The following CAPN7 variants were observed in gnomAD, a reference collection of about 807,000 sequenced individuals.
CAPN7 encodes the protein calpain-7.
In CAPN7, 72 loss-of-function variants were observed where a neutral mutation model predicts 115.2. That is an observed-to-expected ratio of 0.63 (90% CI 0.52 to 0.76). The LOEUF is 0.76. CAPN7 is among the 30% of genes least tolerant of loss of function. CAPN7 has a pLI of 0.00. For missense variants in CAPN7, 905 were observed against 971.5 expected (o/e 0.93, Z 0.91); for synonymous variants, 344 against 322.3 (o/e 1.07, Z -0.72).
chr3:15,211,475 G>A (rs1320111117), intron 1 of CAPN7, among the ~76,000 whole-genome samples: 1 of 152,130 alleles, frequency 6.6e-6, no homozygotes, highest in East Asian at 1.9e-4. Flanking sequence ...AGCCTGGATA[G>A]CTCCTTCGGT....
chr3:15,240,967 G>C, intron 14 of CAPN7, 114 bp downstream of exon 14: 1 of 633,518 alleles, frequency 1.6e-6, no homozygotes, highest in Admixed American at 2.9e-5. Flanking sequence ...CACTTTGGGA[G>C]GCCGAGGTGG....
At chr3:15,216,321 G>A (rs1257650067) in intron 2 of CAPN7, among the ~76,000 whole-genome samples, 1 of 152,128 alleles carries the variant, frequency 6.6e-6, no homozygotes, top group Non-Finnish European at 1.5e-5. Flanking sequence ...TCTGATTTTA[G>A]CCATCCTAGT....
chr3:15,227,054 G>A (rs1053676262), intron 6 of CAPN7, among the ~76,000 whole-genome samples: 3 of 150,582 alleles, frequency 2.0e-5, no homozygotes, highest in Non-Finnish European at 2.9e-5. Flanking sequence ...CTGGAGGATC[G>A]TTTAAGCACA....
Position 15,221,109 on chromosome 3 carries a change from TATATC to T in CAPN7, c.638+131_638+135del, listed in dbSNP as rs1693954447. The T allele has an allele frequency of 6.1e-6, 4 of 654,740 alleles. No homozygotes were observed. The Admixed American group carries it at 1.1e-4, about 19-fold the overall frequency. The allele number at this position is 654,740 out of a possible 1,614,324, so 40.6% of individuals were successfully genotyped here. ...GTGTATTGTGCTGTTATTATGTAAT[TATATC>T]ATCATGTAGTCACAACTTGAAATAG... On this transcript the variant is annotated intron_variant, in intron 5 of 20. Coordinates refer to ENST00000253693, the MANE Select transcript of CAPN7 (RefSeq NM_014296.3).
chr3:15,249,932 T>G (rs1369833401), intron 19 of CAPN7, among the ~76,000 whole-genome samples: 1 of 151,752 alleles, frequency 6.6e-6, no homozygotes, highest in African/African-American at 2.4e-5. Context: ...GCGCAGCTAA[T>G]TTTTGTATTT....
intron 18 of CAPN7, among the ~76,000 whole-genome samples, chr3:15,247,011 T>C (rs908163455): frequency 1.8e-4 from 27 of 152,188 alleles, no homozygotes; most frequent in African/African-American, 4.6e-4. Flanking sequence ...AAACTTTGGT[T>C]GTTAGAGAAG....
intron 1 of CAPN7, among the ~76,000 whole-genome samples, chr3:15,206,990 A>G (rs2044665573): frequency 6.6e-6 from 1 of 152,228 alleles, no homozygotes; most frequent in South Asian, 2.1e-4. Context: ...AATAAACTTA[A>G]AAAGAATAAA....
In CAPN7 at chr3:15,252,539, GA is replaced by G. The variant is rs1696047308; in HGVS notation, c.*1285del. 1 of 152,058 alleles carries G rather than the reference GA, an allele frequency of 6.6e-6. No homozygotes were observed. The highest frequency in any genetic ancestry group is 1.5e-5 in the Non-Finnish European group (1 of 67,974). 9.4% of individuals were successfully genotyped at this position (152,058 alleles called of 1,614,324 possible). A position where few individuals can be genotyped will look rare whatever the true frequency, so the allele number is the denominator to read the frequency against. Reference sequence around the variant, plus strand: ...CAAGTTTTCTGTTACTTTTTAAAAAGAAAAAATCCAGAACATAAGAACTATA... The same window carrying G: ...CAAGTTTTCTGTTACTTTTTAAAAAGAAAAATCCAGAACATAAGAACTATA... On this transcript the variant is annotated 3_prime_UTR_variant, in exon 21 of 21. Transcript: ENST00000253693.
intron 12 of CAPN7, among the ~76,000 whole-genome samples, chr3:15,239,101 T>C (rs948468136): frequency 2.5e-4 from 38 of 152,328 alleles, no homozygotes; most frequent in Non-Finnish European, 3.1e-4. Context: ...GGTTGACTTA[T>C]GTGTGGTGAG....
chr3:15,216,840 A>G (rs1278606299), intron 2 of CAPN7, among the ~76,000 whole-genome samples: 1 of 152,176 alleles, frequency 6.6e-6, no homozygotes, highest in Non-Finnish European at 1.5e-5. Flanking sequence ...TCAGGGAAAG[A>G]ATTTTTTAAA....
In CAPN7 at chr3:15,252,587, C is replaced by G. The variant is rs1291709386; in HGVS notation, c.*1327C>G. 1 of 152,176 alleles carries G rather than the reference C, an allele frequency of 6.6e-6. No individual in the cohort carries two copies. Among genetic ancestry groups the G allele is most frequent in the East Asian group, 1.9e-4 (1 of 5,184 alleles). 9.4% of individuals were successfully genotyped at this position (152,176 alleles called of 1,614,324 possible). On this transcript the variant is annotated 3_prime_UTR_variant, in exon 21 of 21. Coordinates refer to ENST00000253693, the MANE Select transcript of CAPN7 (RefSeq NM_014296.3). Reference sequence around the variant, plus strand: ...TATATTATGAACACATGATTTGAACCTGTTGTGGTAAAGATCTTGTACAGG... The same window carrying G: ...TATATTATGAACACATGATTTGAACGTGTTGTGGTAAAGATCTTGTACAGG...
intron 16 of CAPN7, 42 bp downstream of exon 16, chr3:15,242,295 A>G (rs773581673): frequency 8.3e-7 from 1 of 1,207,310 alleles, no homozygotes; most frequent in Admixed American, 2.4e-5. Flanking sequence ...AAACATACAT[A>G]AGATTTTATT....
At position 15,236,786 on chromosome 3, in the gene CAPN7, A is replaced by T. The variant is rs560592513; in HGVS notation, c.1407+1641A>T. Among the ~76,000 whole-genome samples the T allele has an allele frequency of 3.3e-5, 5 of 152,336 alleles. No homozygotes were observed. The South Asian group carries it at 1.0e-3, about 32-fold the overall frequency. ...TGTATATCTGAACATAGAAAAACAC[A>T]GTAAAAATACAGTATAAAAGATTTT... On this transcript the variant is annotated intron_variant, in intron 12 of 20. Coordinates refer to ENST00000253693, the MANE Select transcript of CAPN7 (RefSeq NM_014296.3).
chr3:15,237,091 GC>G (rs1695036073), intron 12 of CAPN7, among the ~76,000 whole-genome samples: 1 of 152,164 alleles, frequency 6.6e-6, no homozygotes, highest in Admixed American at 6.5e-5. Flanking sequence ...CATCGGAGCA[GC>G]CCAATAATAA....
intron 4 of CAPN7, 109 bp from the exon 5 acceptor site, chr3:15,220,672 A>G (rs1011197101): frequency 1.2e-6 from 1 of 840,324 alleles, no homozygotes; most frequent in African/African-American, 1.7e-5. Context: ...TTTATATACT[A>G]ATTTTACATT....
Position 15,252,205 on chromosome 3 carries a change from A to C in CAPN7, c.*945A>C, listed in dbSNP as rs1056238554. ...ATGCTCAATATTTTAAAATTCTAAAAATAGGGTGGGATTTTTCATTGTCTC... is the reference window on the plus strand; with the variant it reads ...ATGCTCAATATTTTAAAATTCTAAACATAGGGTGGGATTTTTCATTGTCTC... On this transcript the variant is annotated 3_prime_UTR_variant, in exon 21 of 21. Coordinates refer to ENST00000253693, the MANE Select transcript of CAPN7 (RefSeq NM_014296.3). The C allele has an allele frequency of 6.6e-6, 1 of 152,622 alleles. No homozygotes were observed. The highest frequency in any genetic ancestry group is 1.5e-5 in the Non-Finnish European group (1 of 68,006). 9.5% of individuals were successfully genotyped at this position (152,622 alleles called of 1,614,324 possible).
intron 12 of CAPN7, among the ~76,000 whole-genome samples, chr3:15,237,423 T>C (rs1695057652): frequency 6.7e-6 from 1 of 149,192 alleles, no homozygotes; most frequent in Non-Finnish European, 1.5e-5. Flanking sequence ...TTTCATTATA[T>C]GGTGCATGAC....
At chr3:15,234,248 A>G (rs75545421) in intron 11 of CAPN7, among the ~76,000 whole-genome samples, 9,381 of 152,284 alleles carry the variant, frequency 0.062, 665 homozygotes, top group East Asian at 0.26. Flanking sequence ...CGCAGGAGGC[A>G]GAGGTTGTGG....
At chr3:15,216,540 G>A (rs566541646) in intron 2 of CAPN7, among the ~76,000 whole-genome samples, 5 of 151,982 alleles carry the variant, frequency 3.3e-5, no homozygotes, top group African/African-American at 7.3e-5. Context: ...TTATAGATAC[G>A]TATTTTTTTA....
Sources: gnomAD v4.1 joint callset for allele counts (sites outside exome capture counted in the v4.1 genomes callset) on GRCh38, gnomAD v4.1.1 for gene constraint, MANE v1.5 for transcripts, NCBI Gene and HGNC (gene_info 2026-07-23, HGNC 2026-07-21) for gene names.